MAML2: variants seen among roughly 807,000 people sequenced by gnomAD.
MAML2 encodes mastermind like transcriptional coactivator 2.
In MAML2, 22 loss-of-function variants were observed where a neutral mutation model predicts 96.1. That is an observed-to-expected ratio of 0.23 (90% CI 0.16 to 0.33). MAML2 has a LOEUF of 0.33. Among genes scored for constraint, MAML2 ranks in the 10% least tolerant of loss-of-function variants. The pLI is 1.00. For missense variants in MAML2, 1,367 were observed against 1,392.4 expected (o/e 0.98, Z 0.29); for synonymous variants, 561 against 521.3 (o/e 1.08, Z -1.04).
In MAML2 at chr11:96,162,586, C is replaced by G. The variant is rs183657532; in HGVS notation, c.514-69069G>C. Among the ~76,000 whole-genome samples the G allele has an allele frequency of 1.3e-4, 19 of 151,780 alleles. 1 individual carries two copies. The South Asian group carries it at 3.3e-3, about 27-fold the overall frequency. ...ATTAGCCGGGCATGGTGGTGCATGC[C>G]GGTAATCCCAGCTACTCGGGAGGCT... On this transcript the variant is annotated intron_variant, in intron 1 of 4. Coordinates refer to ENST00000524717, the MANE Select transcript of MAML2 (RefSeq NM_032427.4).
intron 1 of MAML2, among the ~76,000 whole-genome samples, chr11:96,157,884 A>C (rs1861037420): frequency 6.6e-6 from 1 of 152,192 alleles, no homozygotes; most frequent in Non-Finnish European, 1.5e-5. Context: ...CTACCTGATA[A>C]TTTAAGATTA....
At chr11:95,985,782 A>G in intron 3 of MAML2, 140 bp from the exon 4 acceptor site, 2 of 571,424 alleles carry the variant, frequency 3.5e-6, no homozygotes, top group South Asian at 2.5e-5. Context: ...CTTATTTTGT[A>G]GTCTTAATTC....
At chr11:96,302,840 GT>G (rs1270291256) in intron 1 of MAML2, among the ~76,000 whole-genome samples, 1 of 152,016 alleles carries the variant, frequency 6.6e-6, no homozygotes, top group Non-Finnish European at 1.5e-5. Flanking sequence ...TACGCTCCAG[GT>G]TTTTCATAAT....
Position 96,162,517 on chromosome 11 carries a change from C to T in MAML2, c.514-69000G>A, listed in dbSNP as rs543154965. Among the ~76,000 whole-genome samples, 7 of 151,710 alleles carry T rather than the reference C, an allele frequency of 4.6e-5. No individual in the cohort carries two copies. In the South Asian group the frequency reaches 1.2e-3, roughly 27 times the overall value. On this transcript the variant is annotated intron_variant, in intron 1 of 4. Transcript: ENST00000524717. ...TCACCTGAGGTTGGGAGTTGGAGAC[C>T]AGCCTGACCCACGTGGAGAAACCCT... is the stretch of plus-strand genomic sequence containing the variant.
At chr11:96,022,897 T>A (rs529599597) in intron 2 of MAML2, among the ~76,000 whole-genome samples, 1 of 152,188 alleles carries the variant, frequency 6.6e-6, no homozygotes, top group African/African-American at 2.4e-5. Flanking sequence ...ACTAGGCCAG[T>A]AGACATGACG....
At chr11:96,156,701 A>C (rs1861016215) in intron 1 of MAML2, among the ~76,000 whole-genome samples, 1 of 152,250 alleles carries the variant, frequency 6.6e-6, no homozygotes, top group African/African-American at 2.4e-5. Context: ...AAGTTTGACC[A>C]GAGGAAGTAA....
chr11:96,042,148 T>C (rs893221394), intron 2 of MAML2, among the ~76,000 whole-genome samples: 1 of 152,138 alleles, frequency 6.6e-6, no homozygotes, highest in East Asian at 1.9e-4. Flanking sequence ...GGCTAATTTT[T>C]TGTATTTTTA....
At chr11:96,039,291 T>G (rs1275463134) in intron 2 of MAML2, among the ~76,000 whole-genome samples, 10 of 101,310 alleles carry the variant, frequency 9.9e-5, no homozygotes, top group African/African-American at 1.6e-4. Flanking sequence ...GAGACAGAGG[T>G]GAGAGAAGAG....
In MAML2 at chr11:96,189,063, T is replaced by C. The variant is rs557346337; in HGVS notation, c.514-95546A>G. ...AAGCTTCTAGCTCAATGCTAGAAAC[T>C]GTTTTGTTTTTTTTTTTCTATATCT... On this transcript the variant is annotated intron_variant, in intron 1 of 4. Coordinates refer to ENST00000524717, the MANE Select transcript of MAML2 (RefSeq NM_032427.4). 4.1e-4 allele frequency among the ~76,000 whole-genome samples: 59 copies of C among 143,674 alleles called. 1 individual carries two copies. Among genetic ancestry groups the C allele is most frequent in the African/African-American group, 1.5e-3 (58 of 39,638 alleles). The allele number at this position is 143,674 out of a possible 152,430, so 94.3% of individuals were successfully genotyped here. A position where few individuals can be genotyped will look rare whatever the true frequency, so the allele number is the denominator to read the frequency against.
chr11:96,206,778 G>A (rs1029130275), intron 1 of MAML2, among the ~76,000 whole-genome samples: 6 of 152,130 alleles, frequency 3.9e-5, no homozygotes, highest in Non-Finnish European at 8.8e-5. Flanking sequence ...TTTGGTTATG[G>A]ATTTTGGAGC....
chr11:96,086,817 T>G (rs1032898432), intron 2 of MAML2, among the ~76,000 whole-genome samples: 3 of 152,184 alleles, frequency 2.0e-5, no homozygotes, highest in African/African-American at 7.2e-5. Flanking sequence ...AACTGAGAGA[T>G]CTGTGGATTC....
At chr11:96,235,779 T>C (rs558185212) in intron 1 of MAML2, among the ~76,000 whole-genome samples, 1 of 152,274 alleles carries the variant, frequency 6.6e-6, no homozygotes, top group South Asian at 2.1e-4. Context: ...TAAACCAGGG[T>C]TTTACACTGA....
At chr11:96,089,057 G>A (rs1433797789) in intron 2 of MAML2, among the ~76,000 whole-genome samples, 1 of 150,098 alleles carries the variant, frequency 6.7e-6, no homozygotes, top group Non-Finnish European at 1.5e-5. Flanking sequence ...ATGACAAGCA[G>A]AAAAAAAAAA....
chr11:96,342,081 G>T lies in MAML2; in HGVS notation c.-186C>A. 1 of 583,936 alleles carries T rather than the reference G, an allele frequency of 1.7e-6. No individual in the cohort carries two copies. Among genetic ancestry groups the T allele is most frequent in the East Asian group, 2.9e-5 (1 of 35,060 alleles). 36.2% of individuals were successfully genotyped at this position (583,936 alleles called of 1,614,324 possible). ...GGGGAGGGGAGTTAGTAAAAAGAGG[G>T]TGGGGAGAAAGAATAGAAACCAACT... is the stretch of plus-strand genomic sequence containing the variant. On this transcript the variant is annotated 5_prime_UTR_variant, in exon 1 of 5. Transcript: ENST00000524717.
intron 1 of MAML2, among the ~76,000 whole-genome samples, chr11:96,293,332 G>GA (rs1030770943): frequency 1.3e-5 from 2 of 151,878 alleles, no homozygotes; most frequent in African/African-American, 4.8e-5. Flanking sequence ...ACTAAGATAT[G>GA]AAAAAAAATT....
At chr11:96,202,300 G>C (rs934257620) in intron 1 of MAML2, among the ~76,000 whole-genome samples, 1 of 141,116 alleles carries the variant, frequency 7.1e-6, no homozygotes, top group Non-Finnish European at 1.5e-5. Context: ...GCAGCGAGCC[G>C]AGATCTCACC....
chr11:96,227,143 T>C (rs562833), intron 1 of MAML2, among the ~76,000 whole-genome samples: 27,797 of 152,142 alleles, frequency 0.18, 2,585 homozygotes, highest in East Asian at 0.27. Context: ...ATCATGTTAA[T>C]CCTTCAGATC....
At chr11:96,293,591 A>G (rs552723042) in intron 1 of MAML2, among the ~76,000 whole-genome samples, 7 of 152,352 alleles carry the variant, frequency 4.6e-5, no homozygotes, top group South Asian at 2.1e-4. Flanking sequence ...AACAGTAACA[A>G]CAGCAAAATA....
intron 2 of MAML2, among the ~76,000 whole-genome samples, chr11:96,081,685 G>T (rs11021427): frequency 0.43 from 65,861 of 152,020 alleles, 15,796 homozygotes; most frequent in Middle Eastern, 0.59. Flanking sequence ...GCAAACTAAC[G>T]TTTGTCAATT....
Sources: gnomAD v4.1 joint callset for allele counts (sites outside exome capture counted in the v4.1 genomes callset) on GRCh38, gnomAD v4.1.1 for gene constraint, MANE v1.5 for transcripts, NCBI Gene and HGNC (gene_info 2026-07-23, HGNC 2026-07-21) for gene names.